Variants in HOXA3 observed in about 807,000 individuals in gnomAD.
HOXA3 encodes the protein homeobox A3.
HOXA3 carries 8 observed loss-of-function variants against 30.3 expected under a neutral mutation model. The ratio of observed to expected loss-of-function variants is 0.26; its 90% CI spans 0.15 to 0.48. HOXA3 has a LOEUF of 0.48. HOXA3 is among the 20% of genes least tolerant of loss of function. The pLI is 0.99. For synonymous variants in HOXA3, 323 were observed against 273.1 expected, an observed-to-expected ratio of 1.18 and a Z score of -1.80; for missense variants, 653 against 614.4, an observed-to-expected ratio of 1.06 and a Z score of -0.66.
chr7:27,146,270 TG>T (rs1782766317), intron 1 of HOXA3, among the ~76,000 whole-genome samples: 1 of 151,668 alleles, frequency 6.6e-6, no homozygotes, highest in Non-Finnish European at 1.5e-5. Flanking sequence ...TGTGTGTGTG[TG>T]TGTCTGGGGT....
At chr7:27,133,120 C>T (rs917934445) in intron 2 of HOXA3, among the ~76,000 whole-genome samples, 7 of 152,086 alleles carry the variant, frequency 4.6e-5, no homozygotes, top group East Asian at 1.9e-4. Context: ...CTTTGTGGTT[C>T]GTATCATAAA....
chr7:27,116,521 T>A (rs1194738833), intron 4 of HOXA3: 1 of 152,208 alleles, frequency 6.6e-6, no homozygotes, highest in African/African-American at 2.4e-5. Context: ...AGCACTTTCA[T>A]GGGAGGAAAA....
At chr7:27,151,825 G>A in intron 1 of HOXA3, 1 of 360,746 alleles carries the variant, frequency 2.8e-6, no homozygotes, top group Non-Finnish European at 5.4e-6. Context: ...GTCAAGGATG[G>A]TCTCCTCTTG....
intron 2 of HOXA3, chr7:27,134,422 G>A (rs1305562917): frequency 6.6e-6 from 1 of 152,180 alleles, no homozygotes; most frequent in Non-Finnish European, 1.5e-5. Context: ...AATTCTGCAA[G>A]TACTCTTTTC....
chr7:27,130,134 C>A (rs921174012), intron 2 of HOXA3: 1 of 1,603,196 alleles, frequency 6.2e-7, no homozygotes, highest in Non-Finnish European at 8.5e-7. Flanking sequence ...TGACATGGAT[C>A]TTCTTCATCC....
At chr7:27,142,122 C>A (rs758658308) in intron 1 of HOXA3, 2 of 1,597,988 alleles carry the variant, frequency 1.3e-6, no homozygotes, top group Admixed American at 3.4e-5. Flanking sequence ...CCACCAACTC[C>A]TGTCTTCCAA....
chr7:27,108,758 T>G lies in HOXA3; in HGVS notation c.527-38A>C, dbSNP rs1784186005. 5.4e-6 allele frequency: 8 copies of G among 1,492,318 alleles called. No individual in the cohort carries two copies. In the South Asian group the frequency reaches 8.8e-5, roughly 16 times the overall value. The allele number at this position is 1,492,318 out of a possible 1,614,324, so 92.4% of individuals were successfully genotyped here. ...AGAGAGGAAGAGCGGCGTCAGGGGC[T>G]GCCGCGGCCCCGCCCAGCCCCTGAC... On this transcript the variant is annotated intron_variant, in intron 5 of 5. Transcript: ENST00000612286. The surrounding 1 kb of genome is among the most constrained non-coding windows in gnomAD (Gnocchi z 5.0).
rs373369365 is a variant in HOXA3 at position 27,110,503 on chromosome 7, G to A, written c.138C>T (p.His46=). 6.2e-7 allele frequency: 1 copy of A among 1,605,460 alleles called. No individual in the cohort carries two copies. Among genetic ancestry groups the A allele is most frequent in the African/African-American group, 1.3e-5 (1 of 74,776 alleles). ...GAGACTGGAGGGAGCAGGCGGGTCGGTGGTACTCGCCGTCGGCGCCCAAAG... is the reference window on the plus strand; with the variant it reads ...GAGACTGGAGGGAGCAGGCGGGTCGATGGTACTCGCCGTCGGCGCCCAAAG... The part of the protein sequence containing the change: ...SAALGADGEY[H]RPACSLQSPS... The change falls in exon 5 of 6, where the codon CAC becomes CAT. Residue 46 remains histidine, a synonymous_variant. Transcript: ENST00000612286.
Position 27,108,767 on chromosome 7 carries a change from C to A in HOXA3, c.527-47G>T. 1.4e-6 allele frequency: 2 copies of A among 1,431,328 alleles called. No individual in the cohort carries two copies. Among genetic ancestry groups the A allele is most frequent in the Non-Finnish European group, 1.9e-6 (2 of 1,064,736 alleles). The allele number at this position is 1,431,328 out of a possible 1,614,324, so 88.7% of individuals were successfully genotyped here. A position where few individuals can be genotyped will look rare whatever the true frequency, so the allele number is the denominator to read the frequency against. On this transcript the variant is annotated intron_variant, in intron 5 of 5. Coordinates refer to ENST00000612286, the MANE Select transcript of HOXA3 (RefSeq NM_153631.3). The surrounding 1 kb of genome is among the most constrained non-coding windows in gnomAD (Gnocchi z 5.0). ...GAGCGGCGTCAGGGGCTGCCGCGGC[C>A]CCGCCCAGCCCCTGACCCAGCCCGG...
chr7:27,121,220 C>CGT (rs142198002), intron 4 of HOXA3: 24,111 of 137,340 alleles, frequency 0.18, 2,187 homozygotes, highest in South Asian at 0.22. Context: ...CCACTGTGTG[C>CGT]GTGTGTGTGT....
intron 2 of HOXA3, chr7:27,130,135 T>A: frequency 2.5e-6 from 4 of 1,602,864 alleles, no homozygotes; most frequent in Non-Finnish European, 3.4e-6. Context: ...GACATGGATC[T>A]TCTTCATCCA....
intron 2 of HOXA3, 51 bp downstream of exon 2, chr7:27,140,032 A>AGAGAGAGAGAGAGAGAGAGAGAGACAG: frequency 7.2e-6 from 1 of 138,232 alleles, no homozygotes; most frequent in South Asian, 2.4e-4. Flanking sequence ...AGAGAGAGAG[A>AGAGAGAGAGAGAGAGAGAGAGAGACAG]AAGTTTCCAA....
intron 1 of HOXA3, chr7:27,151,008 A>G (rs1056177296): frequency 6.6e-6 from 1 of 152,382 alleles, no homozygotes; most frequent in African/African-American, 2.4e-5. Context: ...CACGGTCGCA[A>G]TAAATAATCG....
chr7:27,147,623 C>T (rs764200063), intron 1 of HOXA3: 3 of 1,614,218 alleles, frequency 1.9e-6, no homozygotes, highest in East Asian at 2.2e-5. Context: ...CTCGACGCCC[C>T]GTACGAGGCC....
intron 1 of HOXA3, among the ~76,000 whole-genome samples, chr7:27,146,968 G>T (rs1782789613): frequency 6.6e-6 from 1 of 152,130 alleles, no homozygotes; most frequent in African/African-American, 2.4e-5. Flanking sequence ...TTGGGAAGCT[G>T]AGCAGGGTAC....
intron 1 of HOXA3, chr7:27,147,464 G>T: frequency 2.5e-6 from 4 of 1,614,224 alleles, no homozygotes; most frequent in Non-Finnish European, 3.4e-6. Context: ...GGGCCCCTCT[G>T]CTTGCCACTG....
In HOXA3 at chr7:27,152,506, C is replaced by T. The variant is rs1783011407; in HGVS notation, c.-712G>A. 1.7e-6 allele frequency: 2 copies of T among 1,172,678 alleles called. No homozygotes were observed. Among genetic ancestry groups the T allele is most frequent in the Non-Finnish European group, 2.1e-6 (2 of 933,990 alleles). The allele number at this position is 1,172,678 out of a possible 1,614,324, so 72.6% of individuals were successfully genotyped here. A position where few individuals can be genotyped will look rare whatever the true frequency, so the allele number is the denominator to read the frequency against. On this transcript the variant is annotated 5_prime_UTR_variant, in exon 1 of 6. Transcript: ENST00000612286. The stretch of plus-strand genomic sequence containing the variant: ...GCCGGGGCTTCCCTTCGCTCGCCAT[C>T]TCCGGACAAAGCACAGCCGAGCCCG...
intron 1 of HOXA3, among the ~76,000 whole-genome samples, chr7:27,151,871 T>C (rs746760026): frequency 5.3e-5 from 8 of 152,046 alleles, no homozygotes; most frequent in Non-Finnish European, 1.2e-4. Flanking sequence ...GGGCCATGAA[T>C]GAAAACACAA....
chr7:27,129,319 G>A, intron 2 of HOXA3: 10 of 1,614,178 alleles, frequency 6.2e-6, no homozygotes, highest in Non-Finnish European at 8.5e-6. Flanking sequence ...TGGGCCGGCA[G>A]AGGCCGAGGC....
Sources: allele counts gnomAD v4.1 joint callset (sites outside exome capture counted in the v4.1 genomes callset), GRCh38; gene constraint gnomAD v4.1.1; non-coding constraint Gnocchi (gnomAD v3.1); transcripts MANE v1.5; gene names NCBI Gene and HGNC (gene_info 2026-07-23, HGNC 2026-07-21).